MFHAS1: variants seen among roughly 807,000 people sequenced by gnomAD.
MFHAS1 encodes the protein malignant fibrous histiocytoma-amplified sequence 1.
A neutral mutation model predicts 70.4 loss-of-function variants in MFHAS1; 50 were observed. The observed-to-expected ratio is 0.71, with a 90% CI of 0.57 to 0.90. The LOEUF is 0.90. MFHAS1 is among the 40% of genes least tolerant of loss of function. The pLI, the probability that MFHAS1 is intolerant of heterozygous loss-of-function variation, is 0.00. For missense variants in MFHAS1, 1,795 were observed against 1,347.6 expected, an observed-to-expected ratio of 1.33 and a Z score of -5.20; for synonymous variants, 952 against 620.0, an observed-to-expected ratio of 1.54 and a Z score of -7.96.
At chr8:8,843,626 A>T (rs1807922646) in intron 1 of MFHAS1, among the ~76,000 whole-genome samples, 1 of 152,168 alleles carries the variant, frequency 6.6e-6, no homozygotes, top group East Asian at 1.9e-4. Context: ...GAGAGAAAGC[A>T]GGGAGCGGGG....
At position 8,797,470 on chromosome 8, in the gene MFHAS1, C is replaced by G. The variant is rs1049044313; in HGVS notation, c.3020G>C (p.Arg1007Thr). The G allele has an allele frequency of 5.0e-6, 8 of 1,613,858 alleles. No individual in the cohort carries two copies. The highest frequency in any genetic ancestry group is 1.1e-5 in the South Asian group (1 of 91,064). ...AATGATCTCTGCCACTCCTTCCGGT[C>G]TGGGCTGACTCAGCAACTCCCCTGT... is the stretch of plus-strand genomic sequence containing the variant. ...AFPGELLSQP[R>T]PEGVAEIICP... The change falls in exon 2 of 3, where the codon AGA (arginine) becomes ACA (threonine). Residue 1007 changes from arginine to threonine, a missense_variant. By Grantham distance (71) the Arg-to-Thr change is moderately conservative (BLOSUM62 -1). Transcript: ENST00000276282.
Position 8,851,337 on chromosome 8 carries a change from G to C in MFHAS1, c.2998+38724C>G, listed in dbSNP as rs554787508. Among the ~76,000 whole-genome samples, 8 of 152,224 alleles carry C rather than the reference G, an allele frequency of 5.3e-5. No homozygotes were observed. In the East Asian group the frequency reaches 1.5e-3, roughly 29 times the overall value. ...TGCACACAGTTTCTGCCATTTCAAT[G>C]AGTCCCTACAAGTCAGTAGGACACT... On this transcript the variant is annotated intron_variant, in intron 1 of 2. Transcript: ENST00000276282.
At chr8:8,857,142 G>C in intron 1 of MFHAS1, among the ~76,000 whole-genome samples, 1 of 152,070 alleles carries the variant, frequency 6.6e-6, no homozygotes, top group Non-Finnish European at 1.5e-5. Context: ...AGTCCCTTAA[G>C]CAAAGTGGAA....
At chr8:8,801,992 C>T (rs935785070) in intron 1 of MFHAS1, among the ~76,000 whole-genome samples, 2 of 152,186 alleles carry the variant, frequency 1.3e-5, no homozygotes, top group Admixed American at 6.5e-5. Flanking sequence ...GAGAACGATG[C>T]GTGCACTTTA....
rs1484537416 is a variant in MFHAS1 at position 8,824,521 on chromosome 8, T to TCTCA, written c.2999-27031_2999-27030insTGAG. On this transcript the variant is annotated intron_variant, in intron 1 of 2. Coordinates refer to ENST00000276282, the MANE Select transcript of MFHAS1 (RefSeq NM_004225.3). ...GAAAGTCTTTCTCTTTCTCTCTCTT[T>TCTCA]CACACACACACACACACACACACAC... 1.5e-3 allele frequency among the ~76,000 whole-genome samples: 214 copies of TCTCA among 146,018 alleles called. 2 individuals are homozygous for TCTCA. Among genetic ancestry groups the TCTCA allele is most frequent in the Admixed American group, 1.6e-3 (24 of 14,850 alleles).
Position 8,890,542 on chromosome 8 carries a change from C to T in MFHAS1, c.2517G>A (p.Lys839=). ...ACCAAGCTGTGGACCCATTCAAAGG[C>T]TTGCCCTTGGGTTTATTGAGGCAGT... is the stretch of plus-strand genomic sequence containing the variant. The part of the protein sequence containing the change: ...LCYCLNKPKG[K]PLNGSTAWYK... The change falls in exon 1 of 3, where the codon AAG becomes AAA. Residue 839 remains lysine, a synonymous_variant. Coordinates refer to ENST00000276282, the MANE Select transcript of MFHAS1 (RefSeq NM_004225.3). 6.2e-7 allele frequency: 1 copy of T among 1,613,500 alleles called. No homozygotes were observed. The highest frequency in any genetic ancestry group is 1.3e-5 in the African/African-American group (1 of 75,072).
At chr8:8,791,586 G>C (rs1272794186) in intron 2 of MFHAS1, among the ~76,000 whole-genome samples, 1 of 152,180 alleles carries the variant, frequency 6.6e-6, no homozygotes, top group African/African-American at 2.4e-5. Flanking sequence ...TTTGTCCAGA[G>C]AAGCTCACAC....
chr8:8,791,762 A>AC (rs1805726399), intron 2 of MFHAS1, among the ~76,000 whole-genome samples: 1 of 152,146 alleles, frequency 6.6e-6, no homozygotes, highest in South Asian at 2.1e-4. Flanking sequence ...AAGGCTCAGT[A>AC]CCCCTGAAAT....
chr8:8,843,632 C>A (rs771384361), intron 1 of MFHAS1, among the ~76,000 whole-genome samples: 9 of 151,966 alleles, frequency 5.9e-5, no homozygotes, highest in Non-Finnish European at 1.2e-4. Context: ...AAGCAGGGAG[C>A]GGGGTCTGTT....
chr8:8,847,061 A>T (rs1808062834), intron 1 of MFHAS1, among the ~76,000 whole-genome samples: 1 of 152,224 alleles, frequency 6.6e-6, no homozygotes, highest in Admixed American at 6.5e-5. Flanking sequence ...TCAGAAAAAC[A>T]ATTGTCTTAG....
intron 1 of MFHAS1, among the ~76,000 whole-genome samples, chr8:8,873,967 T>C (rs1442608571): frequency 6.6e-6 from 1 of 152,222 alleles, no homozygotes; most frequent in Non-Finnish European, 1.5e-5. Context: ...AGCTGTGAAA[T>C]GCGTAATTAT....
At chr8:8,884,065 CACACACACACACACACAA>C (rs1322648190) in intron 1 of MFHAS1, among the ~76,000 whole-genome samples, 96 of 100,946 alleles carry the variant, frequency 9.5e-4, no homozygotes, top group African/African-American at 5.2e-3. Flanking sequence ...CACACACACA[CACACACACACACACACAA>C]AAAGAAAAAA....
chr8:8,845,188 C>T (rs1210663552), intron 1 of MFHAS1, among the ~76,000 whole-genome samples: 2 of 152,164 alleles, frequency 1.3e-5, no homozygotes, highest in African/African-American at 4.8e-5. Context: ...CTTCAACTGC[C>T]ATTCTTTTTC....
chr8:8,830,419 C>T (rs1284700946), intron 1 of MFHAS1, among the ~76,000 whole-genome samples: 1 of 152,140 alleles, frequency 6.6e-6, no homozygotes, highest in African/African-American at 2.4e-5. Context: ...AAACCTGAAT[C>T]AGGGCAGAGA....
rs1806268837 is a variant in MFHAS1, at chr8:8,805,807, C to T, written c.2999-8316G>A. On this transcript the variant is annotated intron_variant, in intron 1 of 2. Transcript: ENST00000276282. ...CCACCTTCCGGGTTCAAGAGATTCT[C>T]CTGCCTCAGACTCCCAAATAGCTGG... 2.0e-5 allele frequency among the ~76,000 whole-genome samples: 3 copies of T among 151,768 alleles called. No homozygotes were observed. In the South Asian group the frequency reaches 6.3e-4, roughly 32 times the overall value.
chr8:8,864,848 A>C (rs1171476221), intron 1 of MFHAS1, among the ~76,000 whole-genome samples: 2 of 152,244 alleles, frequency 1.3e-5, no homozygotes, highest in African/African-American at 4.8e-5. Context: ...ATGATATCAT[A>C]AAGTTATATA....
intron 2 of MFHAS1, among the ~76,000 whole-genome samples, chr8:8,787,296 G>C (rs528299453): frequency 1.3e-5 from 2 of 152,244 alleles, no homozygotes; most frequent in Non-Finnish European, 2.9e-5. Context: ...TAGCCAGGAT[G>C]ATCTTGATCT....
intron 1 of MFHAS1, among the ~76,000 whole-genome samples, chr8:8,823,593 C>G (rs1282693132): frequency 6.6e-6 from 1 of 151,630 alleles, no homozygotes; most frequent in Non-Finnish European, 1.5e-5. Flanking sequence ...CTTCATAAAA[C>G]TCCTCACAAA....
At chr8:8,854,896 T>C (rs957911713) in intron 1 of MFHAS1, among the ~76,000 whole-genome samples, 1 of 152,012 alleles carries the variant, frequency 6.6e-6, no homozygotes, top group East Asian at 1.9e-4. Flanking sequence ...TTTTGGGTTT[T>C]TGGGGTTTTG....
Sources: gnomAD v4.1 joint callset for allele counts (sites outside exome capture counted in the v4.1 genomes callset) on GRCh38, gnomAD v4.1.1 for gene constraint, MANE v1.5 for transcripts, NCBI Gene and HGNC (gene_info 2026-07-23, HGNC 2026-07-21) for gene names.